PDE1C: variants seen among roughly 807,000 people sequenced by gnomAD.
The protein encoded by PDE1C is dual specificity calcium/calmodulin-dependent 3',5'-cyclic nucleotide phosphodiesterase 1C.
PDE1C carries 62 observed loss-of-function variants against 93.1 expected under a neutral mutation model. The ratio of observed to expected loss-of-function variants is 0.67; its 90% CI spans 0.54 to 0.82. The LOEUF (loss-of-function observed/expected upper bound fraction) is 0.82, where lower values mean the gene tolerates loss of function less well. Among genes scored for constraint, PDE1C ranks in the 40% least tolerant of loss-of-function variants. PDE1C has a pLI of 0.00. For synonymous variants in PDE1C, 325 were observed against 310.1 expected (o/e 1.05, Z -0.50); for missense variants, 742 against 884.6 (o/e 0.84, Z 2.04).
chr7:32,151,539 A>T (rs1801258136), intron 3 of PDE1C, among the ~76,000 whole-genome samples: 1 of 152,256 alleles, frequency 6.6e-6, no homozygotes, highest in Non-Finnish European at 1.5e-5. Flanking sequence ...GTATATCCAT[A>T]CAACAGAATA....
At chr7:32,018,257 A>G (rs1788180968) in intron 2 of PDE1C, among the ~76,000 whole-genome samples, 2 of 152,096 alleles carry the variant, frequency 1.3e-5, no homozygotes, top group Admixed American at 1.3e-4. Context: ...ATGACTTGGC[A>G]GCACCTCAAA....
At chr7:31,747,234 G>C (rs183479549), downstream of PDE1C, among the ~76,000 whole-genome samples, 455 of 152,248 alleles carry the variant, frequency 3.0e-3, 2 homozygotes, top group Admixed American at 4.9e-3. Flanking sequence ...ATATATAGCA[G>C]TGCAATCAAA....
chr7:31,744,407 A>C, the PDE1C span, among the ~76,000 whole-genome samples: 2 of 152,172 alleles, frequency 1.3e-5, no homozygotes, highest in African/African-American at 2.4e-5. Context: ...GAAATCTAAG[A>C]CTACATTCAT....
intron 2 of PDE1C, among the ~76,000 whole-genome samples, chr7:31,971,895 TC>T (rs1216270994): frequency 6.6e-6 from 1 of 152,188 alleles, no homozygotes; most frequent in Non-Finnish European, 1.5e-5. Context: ...TCCTTGCACC[TC>T]CAGGACTAAG....
At chr7:31,631,294 A>G in the PDE1C span, among the ~76,000 whole-genome samples, 40,669 of 151,992 alleles carry the variant, frequency 0.27, 5,975 homozygotes, top group Non-Finnish European at 0.33. Flanking sequence ...GCGTGCGTGC[A>G]CACACAGACA....
chr7:31,975,455 A>G (rs1004362254), intron 2 of PDE1C, among the ~76,000 whole-genome samples: 3 of 152,196 alleles, frequency 2.0e-5, no homozygotes, highest in African/African-American at 7.2e-5. Context: ...GAGACTAACA[A>G]GAAGGTGACA....
intron 3 of PDE1C, among the ~76,000 whole-genome samples, chr7:32,168,690 G>A (rs964181757): frequency 2.6e-5 from 4 of 152,204 alleles, no homozygotes; most frequent in Non-Finnish European, 5.9e-5. Flanking sequence ...AATAAAAACA[G>A]CATTTACCTG....
chr7:32,011,037 T>C (rs1193165714), intron 2 of PDE1C, among the ~76,000 whole-genome samples: 1 of 152,086 alleles, frequency 6.6e-6, no homozygotes, highest in Non-Finnish European at 1.5e-5. Context: ...AAGCTGGACT[T>C]TATTAAAATT....
At chr7:31,880,276 A>G (rs1797080175) in intron 3 of PDE1C, among the ~76,000 whole-genome samples, 1 of 152,232 alleles carries the variant, frequency 6.6e-6, no homozygotes, top group South Asian at 2.1e-4. Context: ...AAACCTGCTA[A>G]GTAAATCAGC....
intron 17 of PDE1C, among the ~76,000 whole-genome samples, chr7:31,755,126 C>T (rs10239671): frequency 0.19 from 29,352 of 152,044 alleles, 3,461 homozygotes; most frequent in East Asian, 0.49. Flanking sequence ...TGGTTATCAA[C>T]TCTAAGACCA....
intron 2 of PDE1C, among the ~76,000 whole-genome samples, chr7:32,204,562 AGG>A (rs1805280869): frequency 6.6e-6 from 1 of 152,176 alleles, no homozygotes; most frequent in Admixed American, 6.5e-5. Context: ...TCTAGAGGAG[AGG>A]GATGCCACCA....
chr7:31,799,679 T>C (rs148365942), intron 16 of PDE1C, among the ~76,000 whole-genome samples: 1 of 151,740 alleles, frequency 6.6e-6, no homozygotes, highest in Non-Finnish European at 1.5e-5. Flanking sequence ...ATAATGTAGA[T>C]ATGATTAGAG....
upstream of PDE1C, among the ~76,000 whole-genome samples, chr7:32,304,215 G>A (rs906846726): frequency 5.9e-5 from 9 of 152,052 alleles, no homozygotes; most frequent in African/African-American, 1.7e-4. Context: ...GCCTCCCCTG[G>A]ATCCCATTCT....
At chr7:31,758,776 A>G (rs1468445140) in intron 17 of PDE1C, among the ~76,000 whole-genome samples, 1 of 152,228 alleles carries the variant, frequency 6.6e-6, no homozygotes, top group African/African-American at 2.4e-5. Flanking sequence ...AGGAACAAAC[A>G]TAAAAGCAGT....
intron 1 of PDE1C, among the ~76,000 whole-genome samples, chr7:32,215,836 G>A (rs143828166): frequency 2.6e-5 from 4 of 152,328 alleles, no homozygotes; most frequent in African/African-American, 4.8e-5. Flanking sequence ...GGAGTCCTGG[G>A]TGCCAGGGCA....
chr7:31,993,682 A>T (rs952993469), intron 2 of PDE1C, among the ~76,000 whole-genome samples: 3 of 152,228 alleles, frequency 2.0e-5, no homozygotes, highest in African/African-American at 7.2e-5. Context: ...AATAGCTTGA[A>T]TTCCAACATA....
At chr7:31,900,933 T>C (rs894071114) in intron 2 of PDE1C, among the ~76,000 whole-genome samples, 34 of 151,742 alleles carry the variant, frequency 2.2e-4, no homozygotes, top group African/African-American at 8.0e-4. Flanking sequence ...TTTTGACAGA[T>C]ACTAAAAAAA....
the PDE1C span, among the ~76,000 whole-genome samples, chr7:31,659,240 G>C: frequency 1.3e-5 from 2 of 152,082 alleles, no homozygotes; most frequent in African/African-American, 4.8e-5. Context: ...CAAATGCATT[G>C]CTTTGTTAGC....
intron 17 of PDE1C, among the ~76,000 whole-genome samples, chr7:31,755,741 C>T (rs1583936079): frequency 6.6e-6 from 1 of 152,128 alleles, no homozygotes; most frequent in Non-Finnish European, 1.5e-5. Flanking sequence ...TGAGTCCACA[C>T]TGATATAAAT....
Sources: gnomAD v4.1 joint callset for allele counts (sites outside exome capture counted in the v4.1 genomes callset) on GRCh38, gnomAD v4.1.1 for gene constraint, MANE v1.5 for transcripts, NCBI Gene and HGNC (gene_info 2026-07-23, HGNC 2026-07-21) for gene names.